The following SNTB2 variants were observed in gnomAD, a reference collection of about 807,000 sequenced individuals.
SNTB2 encodes beta-2-syntrophin.
A neutral mutation model predicts 46.2 loss-of-function variants in SNTB2; 34 were observed. The observed-to-expected ratio is 0.74, with a 90% CI of 0.56 to 0.98. The LOEUF (loss-of-function observed/expected upper bound fraction) is 0.98. SNTB2 is among the 50% of genes least tolerant of loss of function. The pLI is 0.00. For synonymous variants in SNTB2, 290 were observed against 312.6 expected, an observed-to-expected ratio of 0.93 and a Z score of 0.76; for missense variants, 603 against 731.4, an observed-to-expected ratio of 0.82 and a Z score of 2.02.
intron 1 of SNTB2, 76 bp from the exon 2 acceptor site, chr16:69,245,526 T>C: frequency 1.5e-6 from 2 of 1,357,604 alleles, no homozygotes; most frequent in Non-Finnish European, 2.1e-6. Context: ...ATATAGCATG[T>C]ATGTGAATAC....
At chr16:69,279,914 GA>G (rs1466228152) in intron 4 of SNTB2, among the ~76,000 whole-genome samples, 1 of 151,634 alleles carries the variant, frequency 6.6e-6, no homozygotes, top group Non-Finnish European at 1.5e-5. Context: ...CACAGAGGGG[GA>G]TTTGGCAGGG....
At chr16:69,203,111 C>T (rs561888218) in intron 1 of SNTB2, among the ~76,000 whole-genome samples, 5 of 151,832 alleles carry the variant, frequency 3.3e-5, no homozygotes, top group East Asian at 3.9e-4. Flanking sequence ...CTCCATCTCC[C>T]GGATTCAAGC....
rs1233252923 is a variant in SNTB2 at position 69,307,375 on chromosome 16, A to G, written c.*6451A>G. The G allele has an allele frequency of 6.6e-6, 1 of 152,212 alleles. No individual in the cohort carries two copies. Among genetic ancestry groups the G allele is most frequent in the African/African-American group, 2.4e-5 (1 of 41,452 alleles). The allele number at this position is 152,212 out of a possible 1,614,324, so 9.4% of individuals were successfully genotyped here. A position where few individuals can be genotyped will look rare whatever the true frequency, so the allele number is the denominator to read the frequency against. On this transcript the variant is annotated 3_prime_UTR_variant, in exon 7 of 7. Transcript: ENST00000336278. ...AAGTAGGCTGGTCTTTTCATCATGC[A>G]TGATTTTTTTTTTAGTGCAAATTTA... is the stretch of plus-strand genomic sequence containing the variant.
intron 1 of SNTB2, among the ~76,000 whole-genome samples, chr16:69,193,569 T>C (rs1002565650): frequency 6.6e-6 from 1 of 152,080 alleles, no homozygotes; most frequent in Non-Finnish European, 1.5e-5. Context: ...CCTCAGGTGA[T>C]CCGCCTGCCT....
At chr16:69,296,394 T>G (rs1965224191) in intron 5 of SNTB2, among the ~76,000 whole-genome samples, 2 of 151,864 alleles carry the variant, frequency 1.3e-5, no homozygotes, top group African/African-American at 2.4e-5. Context: ...CATTCTTTCC[T>G]TCTCCAGGGG....
At chr16:69,258,060 G>T (rs1357587526) in intron 2 of SNTB2, among the ~76,000 whole-genome samples, 1 of 152,224 alleles carries the variant, frequency 6.6e-6, no homozygotes, top group East Asian at 1.9e-4. Flanking sequence ...TGACAAAAGA[G>T]CTTCAAAGCA....
chr16:69,285,658 AT>A (rs530146968), intron 5 of SNTB2, among the ~76,000 whole-genome samples: 3,433 of 145,824 alleles, frequency 0.024, 133 homozygotes, highest in African/African-American at 0.081. Flanking sequence ...TAAAAAAAAA[AT>A]TTTTTTTTTT....
intron 1 of SNTB2, among the ~76,000 whole-genome samples, chr16:69,232,304 C>T (rs1266448497): frequency 6.7e-6 from 1 of 149,678 alleles, no homozygotes; most frequent in Non-Finnish European, 1.5e-5. Flanking sequence ...CTCCTAGGTT[C>T]ACGCCATTCT....
chr16:69,189,319 C>T (rs1222940966), intron 1 of SNTB2, among the ~76,000 whole-genome samples: 1 of 152,056 alleles, frequency 6.6e-6, no homozygotes, highest in African/African-American at 2.4e-5. Context: ...TTACTCTAAA[C>T]GTGTACCTTG....
At chr16:69,281,854 A>G (rs1011016979) in intron 4 of SNTB2, among the ~76,000 whole-genome samples, 1 of 151,622 alleles carries the variant, frequency 6.6e-6, no homozygotes, top group Non-Finnish European at 1.5e-5. Flanking sequence ...AAGAAAAAAA[A>G]GAAAGAAAGA....
chr16:69,223,068 C>G (rs1443687994), intron 1 of SNTB2, among the ~76,000 whole-genome samples: 1 of 152,090 alleles, frequency 6.6e-6, no homozygotes, highest in Non-Finnish European at 1.5e-5. Context: ...CCACTGCGCC[C>G]AGCCGTTTTG....
At chr16:69,271,516 A>G (rs1362589403) in intron 4 of SNTB2, among the ~76,000 whole-genome samples, 1 of 152,232 alleles carries the variant, frequency 6.6e-6, no homozygotes. Flanking sequence ...TAGGCCATCA[A>G]TAAATCTTAG....
At chr16:69,238,461 G>A (rs554961815) in intron 1 of SNTB2, among the ~76,000 whole-genome samples, 39 of 152,080 alleles carry the variant, frequency 2.6e-4, no homozygotes, top group African/African-American at 8.0e-4. Context: ...CCTTACTATC[G>A]TTTCCTGCTG....
At chr16:69,274,776 T>C (rs926894635) in intron 4 of SNTB2, among the ~76,000 whole-genome samples, 2 of 151,758 alleles carry the variant, frequency 1.3e-5, no homozygotes, top group African/African-American at 4.8e-5. Context: ...CTGGGCAACA[T>C]AGTGAGACCT....
chr16:69,267,307 A>G (rs774467009), intron 3 of SNTB2, among the ~76,000 whole-genome samples: 4 of 152,202 alleles, frequency 2.6e-5, no homozygotes, highest in African/African-American at 4.8e-5. Context: ...GTGAGCTACC[A>G]TGCCTGGCCC....
At chr16:69,234,839 A>G (rs1317079538) in intron 1 of SNTB2, among the ~76,000 whole-genome samples, 1 of 151,700 alleles carries the variant, frequency 6.6e-6, no homozygotes, top group Non-Finnish European at 1.5e-5. Context: ...GGTAGCTGGG[A>G]TTACAGATGC....
chr16:69,199,595 C>CAAAAAAAAAAAAAAAAAAAAAAAAAAAA lies in SNTB2; in HGVS notation c.580+11865_580+11866insAAAAAAAAAAAAAAAAAAAAAAAAAAAA, dbSNP rs60011703. On this transcript the variant is annotated intron_variant, in intron 1 of 6. Transcript: ENST00000336278. ...TGGACAACAGAGTGAAACACTGCCT[C>CAAAAAAAAAAAAAAAAAAAAAAAAAAAA]AAAAAAAAAAAAAAAAGGCGATCTT... Among the ~76,000 whole-genome samples, 146 of 76,716 alleles carry CAAAAAAAAAAAAAAAAAAAAAAAAAAAA rather than the reference C, an allele frequency of 1.9e-3. 3 individuals carry two copies. The highest frequency in any genetic ancestry group is 2.9e-3 in the Non-Finnish European group (110 of 38,162). The allele number at this position is 76,716 out of a possible 152,430, so 50.3% of individuals were successfully genotyped here.
At chr16:69,197,472 A>AG (rs1315467509) in intron 1 of SNTB2, among the ~76,000 whole-genome samples, 3 of 152,332 alleles carry the variant, frequency 2.0e-5, no homozygotes, top group Admixed American at 6.5e-5. Context: ...TAAATATTTT[A>AG]TTAGTAATAT....
Position 69,270,300 on chromosome 16 carries a change from A to C in SNTB2, c.1148+15A>C, listed in dbSNP as rs1447933950. 22 of 1,613,820 alleles carry C rather than the reference A, an allele frequency of 1.4e-5. No individual in the cohort carries two copies. The highest frequency in any genetic ancestry group is 1.9e-5 in the Non-Finnish European group (22 of 1,179,892). On this transcript the variant is annotated intron_variant, in intron 4 of 6. Coordinates refer to ENST00000336278, the MANE Select transcript of SNTB2 (RefSeq NM_006750.4). ...GTTGCCACCAGGTAAGTAAGACTAA[A>C]GATAAGGAAGTAAAATATTTATCCT...
Sources: gnomAD v4.1 joint callset for allele counts (sites outside exome capture counted in the v4.1 genomes callset) on GRCh38, gnomAD v4.1.1 for gene constraint, MANE v1.5 for transcripts, NCBI Gene and HGNC (gene_info 2026-07-23, HGNC 2026-07-21) for gene names.